Variants in ADAM2 observed in about 807,000 individuals in gnomAD.
The protein encoded by ADAM2 is ADAM metallopeptidase domain 2.
A neutral mutation model predicts 99.3 loss-of-function variants in ADAM2; 101 were observed. The observed-to-expected ratio is 1.02, with a 90% CI of 0.87 to 1.20. The LOEUF is 1.20. Among genes scored for constraint, ADAM2 ranks in the 50% most tolerant of loss-of-function variants. The pLI, the probability that ADAM2 is intolerant of heterozygous loss-of-function variation, is 0.00. For missense variants in ADAM2, 948 were observed against 878.7 expected, an observed-to-expected ratio of 1.08 and a Z score of -1.00; for synonymous variants, 323 against 287.6, an observed-to-expected ratio of 1.12 and a Z score of -1.25.
intron 16 of ADAM2, among the ~76,000 whole-genome samples, chr8:39,754,238 A>G (rs1054859552): frequency 6.6e-6 from 1 of 152,184 alleles, no homozygotes; most frequent in Non-Finnish European, 1.5e-5. Context: ...ATATAACCAG[A>G]GTTCCAATCA....
chr8:39,814,739 A>T (rs1804868948), intron 6 of ADAM2, among the ~76,000 whole-genome samples: 1 of 151,994 alleles, frequency 6.6e-6, no homozygotes, highest in Admixed American at 6.6e-5. Context: ...CGAACAACCA[A>T]CATGTCCTGT....
intron 3 of ADAM2, among the ~76,000 whole-genome samples, chr8:39,826,337 G>A (rs926427898): frequency 6.6e-6 from 1 of 152,106 alleles, no homozygotes; most frequent in Non-Finnish European, 1.5e-5. Context: ...GACACAATGG[G>A]GAAAGGACAG....
intron 4 of ADAM2, among the ~76,000 whole-genome samples, chr8:39,823,356 C>A (rs887356476): frequency 6.6e-6 from 1 of 152,098 alleles, no homozygotes; most frequent in African/African-American, 2.4e-5. Flanking sequence ...ATAAATACAC[C>A]TGTTCCCAAC....
chr8:39,816,500 T>G (rs1037960292), intron 6 of ADAM2, among the ~76,000 whole-genome samples: 5 of 152,104 alleles, frequency 3.3e-5, no homozygotes, highest in Non-Finnish European at 7.4e-5. Context: ...ACATAAAACA[T>G]ATATTAATGT....
intron 7 of ADAM2, among the ~76,000 whole-genome samples, chr8:39,797,768 G>A (rs766036283): frequency 1.3e-5 from 2 of 152,024 alleles, no homozygotes; most frequent in Non-Finnish European, 2.9e-5. Flanking sequence ...TCCTTTGTTA[G>A]CTGTATTCCT....
At chr8:39,833,535 T>C (rs974077300) in intron 3 of ADAM2, among the ~76,000 whole-genome samples, 1 of 152,138 alleles carries the variant, frequency 6.6e-6, no homozygotes, top group African/African-American at 2.4e-5. Context: ...CTTAAGTCCT[T>C]AATAAGTTTT....
intron 18 of ADAM2, among the ~76,000 whole-genome samples, chr8:39,748,249 T>C (rs1823554935): frequency 1.3e-5 from 2 of 152,186 alleles, no homozygotes; most frequent in Admixed American, 6.5e-5. Flanking sequence ...AGTCCTAGAA[T>C]GTTAGTTCTT....
At chr8:39,810,254 G>A (rs1402288641) in intron 6 of ADAM2, among the ~76,000 whole-genome samples, 2 of 152,078 alleles carry the variant, frequency 1.3e-5, no homozygotes, top group Admixed American at 1.3e-4. Flanking sequence ...ATATATATGA[G>A]CCAAATACAG....
chr8:39,756,667 T>C (rs76338634), intron 15 of ADAM2, among the ~76,000 whole-genome samples: 1 of 152,204 alleles, frequency 6.6e-6, no homozygotes, highest in Admixed American at 6.5e-5. Flanking sequence ...CAATTTTCTA[T>C]GGCCTGAACT....
chr8:39,784,356 G>A (rs1445155817), intron 10 of ADAM2, among the ~76,000 whole-genome samples: 3 of 152,048 alleles, frequency 2.0e-5, no homozygotes, highest in Non-Finnish European at 4.4e-5. Context: ...CTTCTTCCTG[G>A]AAGCTAGCGT....
intron 7 of ADAM2, among the ~76,000 whole-genome samples, chr8:39,790,086 A>T (rs1475285066): frequency 6.6e-6 from 1 of 151,902 alleles, no homozygotes; most frequent in African/African-American, 2.4e-5. Context: ...ATGCATGCTG[A>T]TGGAAATATA....
At chr8:39,803,689 T>G (rs941383164) in intron 7 of ADAM2, among the ~76,000 whole-genome samples, 1 of 152,138 alleles carries the variant, frequency 6.6e-6, no homozygotes, top group African/African-American at 2.4e-5. Flanking sequence ...CATAATTAAT[T>G]TTGGGGATAG....
intron 10 of ADAM2, 74 bp from the exon 11 acceptor site, chr8:39,777,235 G>A: frequency 8.1e-7 from 1 of 1,234,998 alleles, no homozygotes; most frequent in Non-Finnish European, 1.1e-6. Context: ...AATTATTAAA[G>A]ATCACATGAT....
At chr8:39,816,409 C>T (rs1804943612) in intron 6 of ADAM2, among the ~76,000 whole-genome samples, 1 of 152,150 alleles carries the variant, frequency 6.6e-6, no homozygotes, top group Non-Finnish European at 1.5e-5. Flanking sequence ...GGCAGCCACT[C>T]AAAAGGTGAA....
Position 39,766,842 on chromosome 8 carries a change from A to G in ADAM2, c.1507+6T>C. ...CATATATGAGAAATCAAATGATAAT[A>G]AATACCTTTGCCAAATGTGTCTGTA... On this transcript the variant is annotated splice_donor_region_variant and intron_variant, in intron 14 of 20. Transcript: ENST00000265708. 2.5e-6 allele frequency: 4 copies of G among 1,570,156 alleles called. No homozygotes were observed. Among genetic ancestry groups the G allele is most frequent in the Non-Finnish European group, 3.5e-6 (4 of 1,152,432 alleles).
intron 12 of ADAM2, among the ~76,000 whole-genome samples, chr8:39,768,226 A>G (rs551438631): frequency 6.6e-6 from 1 of 152,294 alleles, no homozygotes; most frequent in East Asian, 1.9e-4. Flanking sequence ...AGATGTTTCC[A>G]TTCAAACCCA....
intron 18 of ADAM2, among the ~76,000 whole-genome samples, chr8:39,748,000 T>A (rs1823544887): frequency 6.6e-6 from 1 of 152,194 alleles, no homozygotes; most frequent in Non-Finnish European, 1.5e-5. Flanking sequence ...TATTATTTAT[T>A]GCTGTATAAG....
chr8:39,816,660 A>C (rs1241969397), intron 6 of ADAM2, among the ~76,000 whole-genome samples: 2 of 152,240 alleles, frequency 1.3e-5, no homozygotes, highest in African/African-American at 4.8e-5. Flanking sequence ...TGACCACCTT[A>C]TAAGTGAAAG....
At chr8:39,798,826 A>T (rs1380193663) in intron 7 of ADAM2, among the ~76,000 whole-genome samples, 2 of 151,966 alleles carry the variant, frequency 1.3e-5, no homozygotes, top group Non-Finnish European at 2.9e-5. Context: ...TTTTTTTTGC[A>T]TAGAGGTGTT....
Sources: allele counts gnomAD v4.1 joint callset (sites outside exome capture counted in the v4.1 genomes callset), GRCh38; gene constraint gnomAD v4.1.1; transcripts MANE v1.5; gene names NCBI Gene and HGNC (gene_info 2026-07-23, HGNC 2026-07-21).